Variants in ADGRL4 observed in about 807,000 individuals in gnomAD.
ADGRL4 encodes the protein adhesion G protein-coupled receptor L4.
ADGRL4 carries 90 observed loss-of-function variants against 74.8 expected under a neutral mutation model. The observed-to-expected ratio is 1.20, with a 90% CI of 1.02 to 1.43. The LOEUF (loss-of-function observed/expected upper bound fraction) is 1.43, where lower values mean the gene tolerates loss of function less well. ADGRL4 is among the 40% of genes most tolerant of loss of function. ADGRL4 has a pLI of 0.00. For synonymous variants in ADGRL4, 311 were observed against 279.2 expected (o/e 1.11, Z -1.14); for missense variants, 881 against 814.3 (o/e 1.08, Z -1.00).
chr1:78,900,463 G>A (rs1467985452), intron 12 of ADGRL4, among the ~76,000 whole-genome samples: 3 of 152,120 alleles, frequency 2.0e-5, no homozygotes, highest in Non-Finnish European at 4.4e-5. Flanking sequence ...AATATAGGGA[G>A]AAATACACGC....
At chr1:78,945,287 C>A (rs139830989) in intron 3 of ADGRL4, among the ~76,000 whole-genome samples, 1 of 151,106 alleles carries the variant, frequency 6.6e-6, no homozygotes, top group Non-Finnish European at 1.5e-5. Flanking sequence ...TTAGAAGCAG[C>A]GCATTACCCT....
At chr1:78,985,503 C>T (rs539383048) in intron 2 of ADGRL4, among the ~76,000 whole-genome samples, 12 of 151,852 alleles carry the variant, frequency 7.9e-5, no homozygotes, top group South Asian at 4.2e-4. Context: ...ATGTTAATTT[C>T]GACCTTTAAC....
At position 78,946,386 on chromosome 1, in the gene ADGRL4, T is replaced by A. The variant is rs1213147810; in HGVS notation, c.213A>T (p.Glu71Asp). ...CTTCTGTGTTAGTGCAATTAGCATT[T>A]TCGCCACAGGACTGAGTTAAATTTC... ...ECGNLTQSCG[E>D]NANCTNTEGS... Residue 71 changes from glutamate (E) to aspartate (D), a missense_variant, in exon 3 of 15, where the codon GAA becomes GAT. Glu to Asp is a conservative substitution (Grantham distance 45). Coordinates refer to ENST00000370742, the MANE Select transcript of ADGRL4 (RefSeq NM_022159.4). The A allele has an allele frequency of 6.2e-7, 1 of 1,613,074 alleles. No homozygotes were observed. The highest frequency in any genetic ancestry group is 1.3e-5 in the African/African-American group (1 of 75,006).
intron 2 of ADGRL4, among the ~76,000 whole-genome samples, chr1:78,997,041 T>A (rs1308577536): frequency 6.6e-6 from 1 of 152,162 alleles, no homozygotes; most frequent in East Asian, 1.9e-4. Flanking sequence ...ACTGCATTAA[T>A]GACATTTCAA....
chr1:78,909,587 A>AT (rs1218361935), intron 12 of ADGRL4, among the ~76,000 whole-genome samples: 1 of 151,898 alleles, frequency 6.6e-6, no homozygotes, highest in Non-Finnish European at 1.5e-5. Flanking sequence ...GTTTATCACA[A>AT]TGCTTTTTGG....
chr1:78,897,208 T>G (rs1006165718), intron 12 of ADGRL4, among the ~76,000 whole-genome samples: 1 of 152,150 alleles, frequency 6.6e-6, no homozygotes, highest in African/African-American at 2.4e-5. Flanking sequence ...TGACCAAGCT[T>G]TAGCCAGGTT....
chr1:78,893,130 C>T lies in ADGRL4; in HGVS notation c.1809G>A (p.Leu603=), dbSNP rs1570205572. The T allele has an allele frequency of 6.3e-7, 1 of 1,597,886 alleles. No homozygotes were observed. Among genetic ancestry groups the T allele is most frequent in the African/African-American group, 1.4e-5 (1 of 73,566 alleles). The change falls in exon 13 of 15, where the codon TTG becomes TTA. Residue 603 remains leucine, a synonymous_variant. Coordinates refer to ENST00000370742, the MANE Select transcript of ADGRL4 (RefSeq NM_022159.4). ...TCTCAAAGCAACTAACTTCTGGTTT[C>T]AACCCTGCAGTGTGACGAAAAACTT... The part of the protein sequence containing the change: ...IYKVFRHTAG[L]KPEVSCFENI...
intron 2 of ADGRL4, among the ~76,000 whole-genome samples, chr1:78,965,858 C>G (rs1303453763): frequency 6.6e-6 from 1 of 152,132 alleles, no homozygotes; most frequent in African/African-American, 2.4e-5. Context: ...GCTTTTAAAT[C>G]TGACAGCTGA....
rs1648972180 is a variant in ADGRL4, at chr1:78,920,378, T to G, written c.1266A>C (p.Lys422Asn). The G allele has an allele frequency of 1.3e-6, 2 of 1,566,748 alleles. No individual in the cohort carries two copies. The highest frequency in any genetic ancestry group is 2.7e-5 in the African/African-American group (2 of 73,672). ...TGATCCTTGTAAGAATATTATAATC[T>G]TTAATACCCTAAGGGAAAATAATAA... Reference protein sequence around the residue: ...LMSSGPSIGIKDYNILTRITQ... With the variant: ...LMSSGPSIGINDYNILTRITQ... The change falls in exon 10 of 15, where the codon AAA (lysine) becomes AAC (asparagine). Residue 422 changes from lysine to asparagine, a missense_variant. Lys to Asn is a moderately conservative substitution (Grantham distance 94). Coordinates refer to ENST00000370742, the MANE Select transcript of ADGRL4 (RefSeq NM_022159.4).
At chr1:78,904,108 A>G (rs1648579815) in intron 12 of ADGRL4, among the ~76,000 whole-genome samples, 1 of 151,968 alleles carries the variant, frequency 6.6e-6, no homozygotes, top group African/African-American at 2.4e-5. Context: ...TAATGGCACC[A>G]AATTTCAATG....
In ADGRL4 at chr1:78,890,278, T is replaced by C. The variant is rs1055947831; in HGVS notation, c.*876A>G. The C allele has an allele frequency of 7.2e-5, 11 of 152,270 alleles. No individual in the cohort carries two copies. The highest frequency in any genetic ancestry group is 2.7e-4 in the African/African-American group (11 of 41,460). The allele number at this position is 152,270 out of a possible 1,614,324, so 9.4% of individuals were successfully genotyped here. On this transcript the variant is annotated 3_prime_UTR_variant, in exon 15 of 15. Transcript: ENST00000370742. The stretch of plus-strand genomic sequence containing the variant: ...AATATACTAATGAGATAGTATAACT[T>C]TCACTTCACTGAAAGGTAATAGAAT...
At chr1:78,918,178 G>T (rs1196800745) in intron 10 of ADGRL4, 128 bp from the exon 11 acceptor site, 1 of 665,790 alleles carries the variant, frequency 1.5e-6, no homozygotes, top group Non-Finnish European at 2.5e-6. Flanking sequence ...TTTATATAAT[G>T]ATTAGTCATA....
intron 2 of ADGRL4, among the ~76,000 whole-genome samples, chr1:78,952,724 A>C (rs1649755256): frequency 6.6e-6 from 1 of 152,190 alleles, no homozygotes; most frequent in African/African-American, 2.4e-5. Context: ...ACAATTATAA[A>C]GGTAAATAAA....
chr1:78,977,976 A>T (rs190061827), intron 2 of ADGRL4, among the ~76,000 whole-genome samples: 129 of 152,002 alleles, frequency 8.5e-4, no homozygotes, highest in South Asian at 3.9e-3. Context: ...TGTGTTTCTA[A>T]ATTAATATTA....
intron 6 of ADGRL4, among the ~76,000 whole-genome samples, chr1:78,937,432 C>T (rs1476931735): frequency 6.6e-6 from 1 of 152,110 alleles, no homozygotes; most frequent in African/African-American, 2.4e-5. Flanking sequence ...GTGACAGAGC[C>T]AGACTTTGTC....
intron 2 of ADGRL4, among the ~76,000 whole-genome samples, chr1:78,953,252 A>C (rs1184972405): frequency 6.6e-6 from 1 of 152,216 alleles, no homozygotes; most frequent in Non-Finnish European, 1.5e-5. Flanking sequence ...TGGTACAGTA[A>C]AGATGAGTAA....
At chr1:78,924,835 G>A (rs1649078950) in intron 8 of ADGRL4, among the ~76,000 whole-genome samples, 1 of 152,076 alleles carries the variant, frequency 6.6e-6, no homozygotes, top group Non-Finnish European at 1.5e-5. Context: ...ATGAGCGGAT[G>A]GATAGTTGAG....
intron 12 of ADGRL4, among the ~76,000 whole-genome samples, chr1:78,917,082 C>G (rs768553643): frequency 8.6e-5 from 13 of 151,834 alleles, no homozygotes; most frequent in Non-Finnish European, 1.5e-4. Context: ...GGGTTCTTGT[C>G]TCTGCTGTTG....
chr1:78,970,269 A>G (rs1399261372), intron 2 of ADGRL4, among the ~76,000 whole-genome samples: 1 of 152,224 alleles, frequency 6.6e-6, no homozygotes, highest in Non-Finnish European at 1.5e-5. Context: ...AAGGATCCAG[A>G]TGAAGATGAC....
Sources: allele counts gnomAD v4.1 joint callset (sites outside exome capture counted in the v4.1 genomes callset), GRCh38; gene constraint gnomAD v4.1.1; transcripts MANE v1.5; gene names NCBI Gene and HGNC (gene_info 2026-07-23, HGNC 2026-07-21).